CHSY3: variants seen among roughly 807,000 people sequenced by gnomAD.
The protein encoded by CHSY3 is N-acetylgalactosaminyl-proteoglycan 3-beta-glucuronosyltransferase 3.
In CHSY3, 35 loss-of-function variants were observed where a neutral mutation model predicts 67.2. The observed-to-expected ratio is 0.52, with a 90% CI of 0.40 to 0.69. CHSY3 has a LOEUF of 0.69. CHSY3 is among the 30% of genes least tolerant of loss of function. CHSY3 has a pLI of 0.00. For synonymous variants in CHSY3, 474 were observed against 434.7 expected (o/e 1.09, Z -1.12); for missense variants, 1,069 against 1,138.5 (o/e 0.94, Z 0.88).
rs1386150294 is a variant in CHSY3, at chr5:129,905,272, G to A, written c.443G>A (p.Gly148Asp). 4.1e-6 allele frequency: 6 copies of A among 1,454,398 alleles called. No homozygotes were observed. Among genetic ancestry groups the A allele is most frequent in the Non-Finnish European group, 9.0e-7 (1 of 1,107,038 alleles). 90.1% of individuals were successfully genotyped at this position (1,454,398 alleles called of 1,614,324 possible). Residue 148 changes from glycine to aspartate, a missense_variant, in exon 1 of 3, where the codon GGC becomes GAC. This residue lies in a region of CHSY3 where 309 missense variants were observed against 262.5 expected (regional missense o/e 1.18). Transcript: ENST00000305031. ...GGCGCGGCTGGGCAGCGGAGAGACG[G>A]CCGGCCGGGGAGTAGCCACAACGGC... ...DGGAAGQRRDGRPGSSHNGSG... is the reference protein window; with the variant it reads ...DGGAAGQRRDDRPGSSHNGSG...
At chr5:130,158,171 A>G (rs1232334847) in intron 2 of CHSY3, among the ~76,000 whole-genome samples, 14 of 152,176 alleles carry the variant, frequency 9.2e-5, no homozygotes, top group Non-Finnish European at 2.9e-5. Flanking sequence ...CCTGTGACTT[A>G]GAATGGCTAA....
Position 130,143,074 on chromosome 5 carries a change from C to T in CHSY3, c.1087-41155C>T, listed in dbSNP as rs375203766. ...TCTTTTCACCATAGCGCATTGCTAG[C>T]ATTTCAGTGTATCTATTCAAAAAAA... On this transcript the variant is annotated intron_variant, in intron 2 of 2. Transcript: ENST00000305031. Among the ~76,000 whole-genome samples, 23 of 152,298 alleles carry T rather than the reference C, an allele frequency of 1.5e-4. 1 individual carries two copies. The highest frequency in any genetic ancestry group is 7.2e-4 in the Admixed American group (11 of 15,290).
chr5:129,923,212 T>C (rs1172966052), intron 2 of CHSY3, among the ~76,000 whole-genome samples: 1 of 81,128 alleles, frequency 1.2e-5, no homozygotes, highest in East Asian at 3.6e-4. Flanking sequence ...GATGTGGGAA[T>C]TTTTAAGATG....
At chr5:130,058,719 G>C (rs186963470) in intron 2 of CHSY3, among the ~76,000 whole-genome samples, 6 of 152,350 alleles carry the variant, frequency 3.9e-5, no homozygotes, top group African/African-American at 1.2e-4. Flanking sequence ...TTCTGTGGCT[G>C]TCATATTACC....
intron 2 of CHSY3, among the ~76,000 whole-genome samples, chr5:130,169,508 TC>T (rs1769840676): frequency 6.6e-6 from 1 of 152,086 alleles, no homozygotes; most frequent in Non-Finnish European, 1.5e-5. Context: ...AAGCTGACAC[TC>T]ACAGAAGTAT....
chr5:129,950,959 G>A (rs992280886), intron 2 of CHSY3, among the ~76,000 whole-genome samples: 2 of 152,126 alleles, frequency 1.3e-5, no homozygotes, highest in Admixed American at 1.3e-4. Flanking sequence ...CAAGAACAAA[G>A]CTGGTGGCAC....
chr5:130,130,787 C>T (rs942619547), intron 2 of CHSY3, among the ~76,000 whole-genome samples: 3 of 152,150 alleles, frequency 2.0e-5, no homozygotes, highest in African/African-American at 7.2e-5. Context: ...CAGAGGTGTT[C>T]ATCTTCTTTT....
rs1760168120 is a variant in CHSY3, at chr5:129,904,763, G to T, written c.-67G>T. On this transcript the variant is annotated 5_prime_UTR_variant, in exon 1 of 3. Transcript: ENST00000305031. ...GCGCAAAGGCGGAGGAGGGGCGGGT[G>T]TGAGCCGGGGAAACCGCGTGCCGCG... is the stretch of plus-strand genomic sequence containing the variant. The T allele has an allele frequency of 1.6e-6, 2 of 1,284,040 alleles. No individual in the cohort carries two copies. Among genetic ancestry groups the T allele is most frequent in the Non-Finnish European group, 2.0e-6 (2 of 1,017,384 alleles). 79.5% of individuals were successfully genotyped at this position (1,284,040 alleles called of 1,614,324 possible).
intron 2 of CHSY3, among the ~76,000 whole-genome samples, chr5:130,066,128 C>T (rs182517350): frequency 2.6e-5 from 4 of 152,186 alleles, no homozygotes; most frequent in African/African-American, 9.6e-5. Flanking sequence ...CTGTTTGTGA[C>T]AGAGGTTTCT....
At chr5:130,085,430 T>C (rs1469934489) in intron 2 of CHSY3, among the ~76,000 whole-genome samples, 6 of 152,036 alleles carry the variant, frequency 3.9e-5, no homozygotes, top group Non-Finnish European at 8.8e-5. Flanking sequence ...TTGGTTGATA[T>C]GAACTTATTT....
intron 2 of CHSY3, among the ~76,000 whole-genome samples, chr5:130,025,729 G>C (rs1764522667): frequency 6.6e-6 from 1 of 151,976 alleles, no homozygotes; most frequent in Non-Finnish European, 1.5e-5. Flanking sequence ...GAACTCCCTG[G>C]GATGTCTTGA....
intron 2 of CHSY3, among the ~76,000 whole-genome samples, chr5:130,142,872 A>G (rs764216069): frequency 2.0e-5 from 3 of 152,112 alleles, no homozygotes; most frequent in Non-Finnish European, 4.4e-5. Context: ...GATCTTGAAG[A>G]TTTCCCTCAA....
At chr5:130,083,882 G>A (rs1330824567) in intron 2 of CHSY3, among the ~76,000 whole-genome samples, 3 of 151,606 alleles carry the variant, frequency 2.0e-5, no homozygotes, top group East Asian at 1.9e-4. Context: ...ACAGATGTAC[G>A]CTGGTCTTTC....
At chr5:130,016,939 T>A (rs892077957) in intron 2 of CHSY3, among the ~76,000 whole-genome samples, 2 of 151,960 alleles carry the variant, frequency 1.3e-5, no homozygotes, top group South Asian at 4.2e-4. Context: ...ACCGACACAT[T>A]AGGAAAATGG....
intron 2 of CHSY3, among the ~76,000 whole-genome samples, chr5:129,998,308 T>A (rs1763609815): frequency 6.6e-6 from 1 of 152,214 alleles, no homozygotes; most frequent in Non-Finnish European, 1.5e-5. Context: ...TTCATTAGTA[T>A]ATGAGGAACT....
At chr5:129,907,431 A>T (rs972481946) in intron 1 of CHSY3, among the ~76,000 whole-genome samples, 2 of 152,232 alleles carry the variant, frequency 1.3e-5, no homozygotes, top group African/African-American at 4.8e-5. Flanking sequence ...CACTTGGAAT[A>T]CCAAGTGCTT....
chr5:129,984,389 C>T (rs182774587), intron 2 of CHSY3, among the ~76,000 whole-genome samples: 90 of 152,132 alleles, frequency 5.9e-4, no homozygotes, highest in African/African-American at 1.8e-3. Flanking sequence ...TGTAGTATTC[C>T]GTGGTGTATA....
intron 2 of CHSY3, among the ~76,000 whole-genome samples, chr5:129,943,443 TG>T (rs1351291207): frequency 1.3e-5 from 2 of 152,246 alleles, no homozygotes; most frequent in Non-Finnish European, 2.9e-5. Flanking sequence ...CAAATTTTAT[TG>T]GTTTGCCATG....
chr5:130,144,321 T>G lies in CHSY3; in HGVS notation c.1087-39908T>G, dbSNP rs569177947. 2.0e-5 allele frequency among the ~76,000 whole-genome samples: 3 copies of G among 152,236 alleles called. No individual in the cohort carries two copies. In the East Asian group the frequency reaches 5.8e-4, roughly 29 times the overall value. On this transcript the variant is annotated intron_variant, in intron 2 of 2. Transcript: ENST00000305031. ...GGACTAAATAACAAATATATGGTTATTTGCTGGATACAAAATCAACACACA... is the reference window on the plus strand; with the variant it reads ...GGACTAAATAACAAATATATGGTTAGTTGCTGGATACAAAATCAACACACA...
Sources: allele counts gnomAD v4.1 joint callset (sites outside exome capture counted in the v4.1 genomes callset), GRCh38; gene constraint gnomAD v4.1.1; regional missense constraint gnomAD v4.1.1; transcripts MANE v1.5; gene names NCBI Gene and HGNC (gene_info 2026-07-23, HGNC 2026-07-21).